The following EBPL variants were observed in gnomAD, a reference collection of about 807,000 sequenced individuals.
The protein encoded by EBPL is emopamil-binding protein-like.
Under a neutral mutation model 19.0 loss-of-function variants are expected in EBPL, and 20 were observed. The observed-to-expected ratio is 1.05, with a 90% CI of 0.74 to 1.53. The LOEUF is 1.53. Ranked by LOEUF, EBPL falls within the 40% of genes most tolerant of loss-of-function variation. The pLI is 0.00. For synonymous variants in EBPL, 107 were observed against 117.0 expected (o/e 0.91, Z 0.55); for missense variants, 219 against 261.1 (o/e 0.84, Z 1.11).
At chr13:49,667,411 G>A (rs894085747) in intron 2 of EBPL, among the ~76,000 whole-genome samples, 1 of 152,146 alleles carries the variant, frequency 6.6e-6, no homozygotes, top group East Asian at 1.9e-4. Flanking sequence ...GTGGAGACCA[G>A]GAGATGCTGA....
chr13:49,689,304 G>T (rs1468491426), intron 1 of EBPL, among the ~76,000 whole-genome samples: 1 of 152,168 alleles, frequency 6.6e-6, no homozygotes, highest in East Asian at 1.9e-4. Flanking sequence ...CACGCATATA[G>T]TTTAAGTATT....
chr13:49,674,928 C>A (rs1297708230), intron 1 of EBPL, among the ~76,000 whole-genome samples: 1 of 152,178 alleles, frequency 6.6e-6, no homozygotes, highest in Non-Finnish European at 1.5e-5. Flanking sequence ...CAGAACTCTT[C>A]ATCTTCTAAA....
At position 49,664,113 on chromosome 13, in the gene EBPL, G is replaced by A. The variant is rs182041364; in HGVS notation, c.242-918C>T. 2.1e-4 allele frequency among the ~76,000 whole-genome samples: 32 copies of A among 152,088 alleles called. 1 individual carries two copies. In the East Asian group the frequency reaches 5.8e-3, roughly 28 times the overall value. On this transcript the variant is annotated intron_variant, in intron 2 of 3. Transcript: ENST00000242827. ...CTAAAAATACAAAAAGTAGCTGGGC[G>A]TGGTGGCGCATGCCTGTAATCTCAG... is the stretch of plus-strand genomic sequence containing the variant.
At chr13:49,686,852 G>A (rs572295500) in intron 1 of EBPL, among the ~76,000 whole-genome samples, 1 of 152,236 alleles carries the variant, frequency 6.6e-6, no homozygotes, top group South Asian at 2.1e-4. Flanking sequence ...CTGGAGTGCA[G>A]TGGCGTAATC....
At chr13:49,686,480 A>T (rs1202215318) in intron 1 of EBPL, 1 of 1,282,460 alleles carries the variant, frequency 7.8e-7, no homozygotes, top group Non-Finnish European at 1.0e-6. Flanking sequence ...CTCACCTTTT[A>T]TTTTCTTTCT....
intron 1 of EBPL, among the ~76,000 whole-genome samples, chr13:49,675,420 A>G (rs558913714): frequency 6.6e-6 from 1 of 152,340 alleles, no homozygotes; most frequent in South Asian, 2.1e-4. Context: ...TATTGACTGA[A>G]ATGTCCTTAT....
chr13:49,673,318 C>A (rs1427166313), intron 1 of EBPL, among the ~76,000 whole-genome samples: 1 of 152,160 alleles, frequency 6.6e-6, no homozygotes, highest in African/African-American at 2.4e-5. Context: ...AAAAACTTAT[C>A]ATCTTTATAC....
At chr13:49,661,961 T>A in intron 3 of EBPL, 1 of 1,513,862 alleles carries the variant, frequency 6.6e-7, no homozygotes, top group Non-Finnish European at 9.0e-7. Context: ...GGAGGAGAGT[T>A]TATAGTCTCT....
chr13:49,661,751 A>G, intron 3 of EBPL: 1 of 1,480,014 alleles, frequency 6.8e-7, no homozygotes, highest in Non-Finnish European at 9.0e-7. Flanking sequence ...CAAGGTACCA[A>G]GGAAAAATTT....
At chr13:49,661,700 G>A (rs767240978) in intron 3 of EBPL, 58 of 959,144 alleles carry the variant, frequency 6.0e-5, no homozygotes, top group East Asian at 2.3e-4. Context: ...ATGGGCACAC[G>A]TAGTAAGTTT....
intron 2 of EBPL, among the ~76,000 whole-genome samples, chr13:49,664,473 A>G (rs995516585): frequency 6.6e-6 from 1 of 152,174 alleles, no homozygotes; most frequent in Non-Finnish European, 1.5e-5. Context: ...ACCCATTATC[A>G]GAGTGGTTTC....
At chr13:49,681,359 C>T (rs998001118) in intron 1 of EBPL, among the ~76,000 whole-genome samples, 9 of 152,146 alleles carry the variant, frequency 5.9e-5, no homozygotes, top group African/African-American at 1.4e-4. Context: ...GGTGCGATCT[C>T]GGCTCACTAC....
intron 1 of EBPL, among the ~76,000 whole-genome samples, chr13:49,683,544 AACAAAAAAAAC>A (rs373946337): frequency 0.23 from 31,446 of 134,370 alleles, 3,645 homozygotes; most frequent in Non-Finnish European, 0.31. Context: ...CAAACAAACA[AACAAAAAAAAC>A]AAAAACAAAA....
At chr13:49,664,221 C>CA (rs1412027435) in intron 2 of EBPL, among the ~76,000 whole-genome samples, 7 of 152,254 alleles carry the variant, frequency 4.6e-5, no homozygotes, top group Non-Finnish European at 4.4e-5. Flanking sequence ...CACTGCACTC[C>CA]GGCCTGGGCA....
In EBPL at chr13:49,661,178, G is replaced by A. The variant is rs764834168; in HGVS notation, c.411C>T (p.Cys137=). ...RHFLQITLCV[C]ELYGCWMTFL... The stretch of plus-strand genomic sequence containing the variant: ...AGGTCATCCAGCAGCCATACAGCTC[G>A]CACACGCACAGGGTGATCTGCAGGA... Residue 137 remains cysteine, a synonymous_variant, in exon 4 of 4, where the codon TGC becomes TGT. Coordinates refer to ENST00000242827, the MANE Select transcript of EBPL (RefSeq NM_032565.5). 43 of 1,614,006 alleles carry A rather than the reference G, an allele frequency of 2.7e-5. No homozygotes were observed. In the East Asian group the frequency reaches 3.6e-4, roughly 13 times the overall value.
intron 1 of EBPL, among the ~76,000 whole-genome samples, chr13:49,670,189 T>A (rs570640867): frequency 6.6e-5 from 10 of 152,204 alleles, no homozygotes; most frequent in African/African-American, 2.4e-4. Context: ...ATTCCAGGGA[T>A]CTTAAGTCTT....
intron 1 of EBPL, among the ~76,000 whole-genome samples, chr13:49,674,704 G>A (rs1466423552): frequency 2.0e-5 from 3 of 151,906 alleles, no homozygotes; most frequent in Non-Finnish European, 4.4e-5. Context: ...TTCAATAAAG[G>A]ATGGAGGAAG....
At position 49,660,999 on chromosome 13, in the gene EBPL, T is replaced by C. The variant is rs376251326; in HGVS notation, c.590A>G (p.Lys197Arg). 2.2e-5 allele frequency: 35 copies of C among 1,613,822 alleles called. No individual in the cohort carries two copies. The highest frequency in any genetic ancestry group is 2.9e-5 in the Non-Finnish European group (34 of 1,179,912). The change falls in exon 4 of 4, where the codon AAA (lysine) becomes AGA (arginine). Residue 197 changes from lysine to arginine, a missense_variant. Lys to Arg is a conservative substitution (Grantham distance 26). Around this residue, in one of 2 missense-constraint regions of EBPL, gnomAD observed 49 missense variants for 94.1 expected, o/e 0.52. Coordinates refer to ENST00000242827, the MANE Select transcript of EBPL (RefSeq NM_032565.5). Reference protein sequence around the residue: ...SWLELKKMHQKETSSVKKFQ With the variant: ...SWLELKKMHQRETSSVKKFQ ...AAACTTCTTCACTGAACTGGTTTCT[T>C]TCTGATGCATTTTCTTGAGTTCTAG...
intron 1 of EBPL, among the ~76,000 whole-genome samples, chr13:49,670,836 C>T (rs75545583): frequency 0.021 from 3,152 of 152,300 alleles, 42 homozygotes; most frequent in South Asian, 0.03. Context: ...TTCTAAACCA[C>T]GAAAGAGTAT....
Sources: allele counts gnomAD v4.1 joint callset (sites outside exome capture counted in the v4.1 genomes callset), GRCh38; gene constraint gnomAD v4.1.1; regional missense constraint gnomAD v4.1.1; transcripts MANE v1.5; gene names NCBI Gene and HGNC (gene_info 2026-07-23, HGNC 2026-07-21).